The following SPTLC1 variants were observed in gnomAD, a reference collection of about 807,000 sequenced individuals.
SPTLC1 encodes serine palmitoyltransferase 1.
Under a neutral mutation model 68.9 loss-of-function variants are expected in SPTLC1, and 55 were observed. That is an observed-to-expected ratio of 0.80 (90% CI 0.64 to 1.00). SPTLC1 has a LOEUF of 1.00. Among genes scored for constraint, SPTLC1 ranks in the 50% least tolerant of loss-of-function variants. The pLI, the probability that SPTLC1 is intolerant of heterozygous loss-of-function variation, is 0.00. For synonymous variants in SPTLC1, 197 were observed against 201.6 expected, an observed-to-expected ratio of 0.98 and a Z score of 0.19; for missense variants, 449 against 573.1, an observed-to-expected ratio of 0.78 and a Z score of 2.21.
intron 6 of SPTLC1, among the ~76,000 whole-genome samples, chr9:92,060,202 T>C (rs1834039595): frequency 6.6e-6 from 1 of 152,154 alleles, no homozygotes; most frequent in African/African-American, 2.4e-5. Flanking sequence ...CCTGTTGGAA[T>C]CATGTCAGAG....
chr9:92,096,865 A>G (rs1330498587), intron 3 of SPTLC1, among the ~76,000 whole-genome samples: 3 of 152,150 alleles, frequency 2.0e-5, no homozygotes, highest in Non-Finnish European at 4.4e-5. Context: ...TTCAAAGATC[A>G]CTATCAAAGA....
chr9:92,049,489 A>G (rs765043066), intron 9 of SPTLC1, among the ~76,000 whole-genome samples: 3 of 152,126 alleles, frequency 2.0e-5, no homozygotes, highest in Non-Finnish European at 2.9e-5. Flanking sequence ...TCTGACACAC[A>G]CACACATGCA....
chr9:92,033,883 C>T (rs1833054503), intron 14 of SPTLC1, among the ~76,000 whole-genome samples: 1 of 152,160 alleles, frequency 6.6e-6, no homozygotes, highest in Admixed American at 6.5e-5. Context: ...TGAGCTGCTA[C>T]CAGAGTGATC....
At chr9:92,088,429 C>G (rs969499733) in intron 3 of SPTLC1, among the ~76,000 whole-genome samples, 2 of 152,268 alleles carry the variant, frequency 1.3e-5, no homozygotes, top group Admixed American at 6.5e-5. Flanking sequence ...GTGCCACTCA[C>G]CTCCTCAACT....
Position 92,047,715 on chromosome 9 carries a change from G to A in SPTLC1, c.889-7C>T, listed in dbSNP as rs1374787505. 21 of 1,598,716 alleles carry A rather than the reference G, an allele frequency of 1.3e-5. No homozygotes were observed. Among genetic ancestry groups the A allele is most frequent in the Non-Finnish European group, 1.5e-5 (18 of 1,167,278 alleles). ...TAAGATCAATATCATCAATCTGCCG[G>A]AAAAGGAGGAGTGACAGTTATTCCA... On this transcript the variant is annotated splice_polypyrimidine_tract_variant and splice_region_variant and intron_variant, in intron 9 of 14. Transcript: ENST00000262554.
At chr9:92,042,028 C>T (rs1216094057) in intron 12 of SPTLC1, among the ~76,000 whole-genome samples, 6 of 152,222 alleles carry the variant, frequency 3.9e-5, no homozygotes, top group Non-Finnish European at 4.4e-5. Context: ...GAGTTTGAGG[C>T]TATAGTGTGT....
At chr9:92,062,950 T>TCACTG (rs1834155750) in intron 6 of SPTLC1, among the ~76,000 whole-genome samples, 1 of 152,112 alleles carries the variant, frequency 6.6e-6, no homozygotes, top group Admixed American at 6.6e-5. Flanking sequence ...ATTAATAATT[T>TCACTG]AAGCTCTTAC....
chr9:92,083,618 G>C (rs1834988318), intron 3 of SPTLC1, among the ~76,000 whole-genome samples: 1 of 152,192 alleles, frequency 6.6e-6, no homozygotes, highest in South Asian at 2.1e-4. Flanking sequence ...TTTAGTACCA[G>C]TACCATGCTG....
At chr9:92,065,905 G>A (rs149946119) in intron 6 of SPTLC1, among the ~76,000 whole-genome samples, 7 of 152,310 alleles carry the variant, frequency 4.6e-5, no homozygotes, top group Non-Finnish European at 4.4e-5. Flanking sequence ...AGTCAGCTCT[G>A]TAGTAATTAT....
At chr9:92,083,791 G>A (rs1482095594) in intron 3 of SPTLC1, among the ~76,000 whole-genome samples, 1 of 151,996 alleles carries the variant, frequency 6.6e-6, no homozygotes, top group Non-Finnish European at 1.5e-5. Context: ...GTCATTGGTA[G>A]CTTGATGGGG....
intron 1 of SPTLC1, 109 bp from the exon 2 acceptor site, chr9:92,112,671 T>C (rs1836295462): frequency 1.4e-6 from 1 of 699,398 alleles, no homozygotes; most frequent in Non-Finnish European, 2.5e-6. Flanking sequence ...TAGCCTATTC[T>C]TAACAATTTA....
chr9:92,042,070 A>T (rs1179790156), intron 12 of SPTLC1, among the ~76,000 whole-genome samples: 1 of 152,190 alleles, frequency 6.6e-6, no homozygotes, highest in African/African-American at 2.4e-5. Context: ...ACTGCACTCC[A>T]GCCTGGGCAA....
chr9:92,090,722 A>AG (rs1235140059), intron 3 of SPTLC1, among the ~76,000 whole-genome samples: 6 of 151,924 alleles, frequency 3.9e-5, no homozygotes, highest in Admixed American at 3.3e-4. Context: ...ACTAAAGGCA[A>AG]GGGAAAAAAA....
intron 3 of SPTLC1, among the ~76,000 whole-genome samples, chr9:92,100,308 A>G (rs1406324936): frequency 2.0e-5 from 3 of 152,184 alleles, no homozygotes; most frequent in African/African-American, 4.8e-5. Context: ...CCAGAGAAGG[A>G]GCCCACATAT....
At chr9:92,053,670 A>T (rs191421076) in intron 8 of SPTLC1, among the ~76,000 whole-genome samples, 8 of 152,360 alleles carry the variant, frequency 5.3e-5, no homozygotes, top group East Asian at 1.9e-4. Context: ...AGAAAAGGTC[A>T]TATATTATAT....
intron 3 of SPTLC1, among the ~76,000 whole-genome samples, chr9:92,096,165 C>T (rs1835522282): frequency 1.3e-5 from 2 of 152,332 alleles, no homozygotes; most frequent in South Asian, 4.1e-4. Flanking sequence ...GAGGACTCCT[C>T]TCCTGGGAAA....
chr9:92,107,480 C>T (rs1330458154), intron 3 of SPTLC1, among the ~76,000 whole-genome samples: 2 of 152,242 alleles, frequency 1.3e-5, no homozygotes, highest in Non-Finnish European at 2.9e-5. Flanking sequence ...GGGCCAGGTG[C>T]GGCGGCTCAC....
chr9:92,047,137 T>A, intron 11 of SPTLC1, 35 bp downstream of exon 11: 2 of 1,535,886 alleles, frequency 1.3e-6, no homozygotes, highest in South Asian at 1.1e-5. Flanking sequence ...TAACCTGAAA[T>A]CTCTTTGATT....
At chr9:92,074,578 C>T (rs1834611316) in intron 5 of SPTLC1, among the ~76,000 whole-genome samples, 1 of 152,030 alleles carries the variant, frequency 6.6e-6, no homozygotes, top group South Asian at 2.1e-4. Context: ...TGAAACATGG[C>T]CACCCTTATC....
Sources: gnomAD v4.1 joint callset for allele counts (sites outside exome capture counted in the v4.1 genomes callset) on GRCh38, gnomAD v4.1.1 for gene constraint, MANE v1.5 for transcripts, NCBI Gene and HGNC (gene_info 2026-07-23, HGNC 2026-07-21) for gene names.